The following CCDC148 variants were observed in gnomAD, a reference collection of about 807,000 sequenced individuals.
CCDC148 encodes coiled-coil domain-containing protein 148.
A neutral mutation model predicts 85.7 loss-of-function variants in CCDC148; 89 were observed. The observed-to-expected ratio is 1.04, with a 90% CI of 0.87 to 1.24. CCDC148 has a LOEUF of 1.24. CCDC148 is among the 50% of genes most tolerant of loss of function. CCDC148 has a pLI of 0.00. For synonymous variants in CCDC148, 230 were observed against 213.9 expected, an observed-to-expected ratio of 1.08 and a Z score of -0.66; for missense variants, 692 against 671.7, an observed-to-expected ratio of 1.03 and a Z score of -0.33.
chr2:158,398,793 A>C (rs1316873302), intron 1 of CCDC148, among the ~76,000 whole-genome samples: 1 of 152,224 alleles, frequency 6.6e-6, no homozygotes, highest in Non-Finnish European at 1.5e-5. Context: ...AGTGAAGGAG[A>C]CAGAGACACA....
intron 7 of CCDC148, among the ~76,000 whole-genome samples, chr2:158,336,020 C>T (rs1466169355): frequency 1.3e-5 from 2 of 152,130 alleles, no homozygotes; most frequent in African/African-American, 4.8e-5. Context: ...TTAAACAATG[C>T]CCCCTGGATA....
intron 2 of CCDC148, among the ~76,000 whole-genome samples, chr2:158,350,971 G>C (rs1209261885): frequency 6.6e-6 from 1 of 151,948 alleles, no homozygotes; most frequent in African/African-American, 2.4e-5. Flanking sequence ...CTGTGCAATA[G>C]AACACCAGAA....
At chr2:158,370,921 C>T (rs920609620) in intron 1 of CCDC148, among the ~76,000 whole-genome samples, 1 of 149,680 alleles carries the variant, frequency 6.7e-6, no homozygotes, top group Non-Finnish European at 1.5e-5. Flanking sequence ...CAGAAAGAAA[C>T]TAGTCTAATT....
intron 10 of CCDC148, among the ~76,000 whole-genome samples, chr2:158,231,227 T>C (rs1687843185): frequency 6.6e-6 from 1 of 152,200 alleles, no homozygotes; most frequent in Non-Finnish European, 1.5e-5. Context: ...TGCACTCTCA[T>C]GCTTATTTGC....
intron 1 of CCDC148, among the ~76,000 whole-genome samples, chr2:158,377,840 G>C (rs897868397): frequency 6.6e-6 from 1 of 152,092 alleles, no homozygotes. Context: ...ATGCACATAA[G>C]AAAGCAAACT....
chr2:158,334,865 C>T (rs996231557), intron 7 of CCDC148, among the ~76,000 whole-genome samples: 3 of 152,112 alleles, frequency 2.0e-5, no homozygotes, highest in African/African-American at 7.2e-5. Context: ...AGTTAATCTT[C>T]ATTTTTAAAG....
At chr2:158,363,402 G>A (rs1478574426) in intron 1 of CCDC148, among the ~76,000 whole-genome samples, 1 of 152,130 alleles carries the variant, frequency 6.6e-6, no homozygotes, top group African/African-American at 2.4e-5. Flanking sequence ...GAAAATCAGT[G>A]TGAAAATCCT....
chr2:158,405,323 T>C (rs1685951898), intron 1 of CCDC148, among the ~76,000 whole-genome samples: 1 of 152,178 alleles, frequency 6.6e-6, no homozygotes, highest in Non-Finnish European at 1.5e-5. Context: ...CAGATTATCT[T>C]GAACCTGCAA....
At chr2:158,255,832 A>G (rs1481608419) in intron 9 of CCDC148, among the ~76,000 whole-genome samples, 1 of 151,772 alleles carries the variant, frequency 6.6e-6, no homozygotes, top group African/African-American at 2.4e-5. Flanking sequence ...TACTAACTAC[A>G]GGGCATTTTT....
At chr2:158,246,810 C>T (rs1688588721) in intron 10 of CCDC148, among the ~76,000 whole-genome samples, 1 of 152,160 alleles carries the variant, frequency 6.6e-6, no homozygotes, top group Non-Finnish European at 1.5e-5. Flanking sequence ...CAGTGCTGTG[C>T]ACTAGCCCTA....
intron 1 of CCDC148, among the ~76,000 whole-genome samples, chr2:158,402,543 A>G (rs574554764): frequency 6.6e-6 from 1 of 152,170 alleles, no homozygotes; most frequent in South Asian, 2.1e-4. Context: ...GATCAGAGTA[A>G]GCCTAATTCC....
intron 1 of CCDC148, among the ~76,000 whole-genome samples, chr2:158,422,100 G>C (rs1279040449): frequency 6.6e-6 from 1 of 152,016 alleles, no homozygotes; most frequent in Admixed American, 6.6e-5. Context: ...ATAATTAATA[G>C]CCTACCAACA....
chr2:158,337,651 G>C (rs989789070), intron 7 of CCDC148, among the ~76,000 whole-genome samples: 1 of 152,156 alleles, frequency 6.6e-6, no homozygotes. Flanking sequence ...AGACCAAAAG[G>C]TGTGTGATGT....
intron 1 of CCDC148, among the ~76,000 whole-genome samples, chr2:158,437,006 G>T (rs949710646): frequency 2.0e-4 from 31 of 152,254 alleles, no homozygotes; most frequent in African/African-American, 4.8e-4. Flanking sequence ...ACCAAAAAAA[G>T]TCCAGGACCA....
At chr2:158,269,860 GTGCTA>G (rs1689624590) in intron 9 of CCDC148, among the ~76,000 whole-genome samples, 1 of 152,096 alleles carries the variant, frequency 6.6e-6, no homozygotes, top group South Asian at 2.1e-4. Flanking sequence ...TCCACTTTAG[GTGCTA>G]TCCCTGCTAA....
At chr2:158,400,210 T>A (rs548543981) in intron 1 of CCDC148, among the ~76,000 whole-genome samples, 1 of 152,148 alleles carries the variant, frequency 6.6e-6, no homozygotes, top group East Asian at 1.9e-4. Flanking sequence ...ATAAACTACT[T>A]CAAAGTTCAT....
chr2:158,251,163 G>T (rs555219390), intron 9 of CCDC148, among the ~76,000 whole-genome samples: 28 of 151,832 alleles, frequency 1.8e-4, no homozygotes, highest in African/African-American at 6.3e-4. Context: ...TTCCTAAAGA[G>T]TCTATGATTT....
At chr2:158,365,990 CAG>C (rs1684184634) in intron 1 of CCDC148, 1 of 1,463,178 alleles carries the variant, frequency 6.8e-7, no homozygotes, top group African/African-American at 1.4e-5. Context: ...AATAATAAAA[CAG>C]AGTTGGAAGT....
chr2:158,352,238 C>G (rs71501019), intron 2 of CCDC148, among the ~76,000 whole-genome samples: 1 of 150,390 alleles, frequency 6.6e-6, no homozygotes, highest in African/African-American at 2.5e-5. Flanking sequence ...ATGACTTTGA[C>G]GAGCTGAGAG....
Sources: gnomAD v4.1 joint callset for allele counts (sites outside exome capture counted in the v4.1 genomes callset) on GRCh38, gnomAD v4.1.1 for gene constraint, MANE v1.5 for transcripts, NCBI Gene and HGNC (gene_info 2026-07-23, HGNC 2026-07-21) for gene names.